Variants in CEP128 observed in about 807,000 individuals in gnomAD.
CEP128 encodes centrosomal protein 128kDa.
Under a neutral mutation model 156.7 loss-of-function variants are expected in CEP128, and 132 were observed. That is an observed-to-expected ratio of 0.84 (90% CI 0.73 to 0.97). CEP128 has a LOEUF of 0.97. Among genes scored for constraint, CEP128 ranks in the 50% least tolerant of loss-of-function variants. The pLI, the probability that CEP128 is intolerant of heterozygous loss-of-function variation, is 0.00. For synonymous variants in CEP128, 469 were observed against 448.9 expected (o/e 1.04, Z -0.57); for missense variants, 1,252 against 1,281.9 (o/e 0.98, Z 0.36).
intron 19 of CEP128, among the ~76,000 whole-genome samples, chr14:80,712,520 G>A (rs925772091): frequency 2.0e-4 from 30 of 152,212 alleles, no homozygotes; most frequent in African/African-American, 6.5e-4. Flanking sequence ...AAGGGCCACA[G>A]ATATTTCCTG....
At chr14:80,627,740 C>CTTTTTTTTTT (rs11287309) in intron 19 of CEP128, among the ~76,000 whole-genome samples, 1 of 129,562 alleles carries the variant, frequency 7.7e-6, no homozygotes, top group African/African-American at 2.8e-5. Flanking sequence ...TTATTATTTT[C>CTTTTTTTTTT]TTTTTTTTTT....
chr14:80,540,420 G>T (rs1223621607), intron 21 of CEP128, among the ~76,000 whole-genome samples: 1 of 152,172 alleles, frequency 6.6e-6, no homozygotes, highest in Non-Finnish European at 1.5e-5. Context: ...TAAACTCAGG[G>T]CCAAGGCCCT....
chr14:80,893,174 A>C (rs932027023), intron 8 of CEP128, among the ~76,000 whole-genome samples: 1 of 152,038 alleles, frequency 6.6e-6, no homozygotes, highest in Non-Finnish European at 1.5e-5. Flanking sequence ...TTCATTTACC[A>C]CAACATGGCT....
At chr14:80,560,738 T>G (rs1014368142) in intron 20 of CEP128, among the ~76,000 whole-genome samples, 1 of 152,136 alleles carries the variant, frequency 6.6e-6, no homozygotes, top group Non-Finnish European at 1.5e-5. Flanking sequence ...CCAGCCTACA[T>G]CTTTCTCCCG....
chr14:80,956,635 A>C (rs1386273354), intron 2 of CEP128, among the ~76,000 whole-genome samples: 1 of 152,202 alleles, frequency 6.6e-6, no homozygotes, highest in African/African-American at 2.4e-5. Flanking sequence ...AAGAGAACAG[A>C]AAGAAAGGAC....
At chr14:80,755,052 G>GA (rs1336394688) in intron 18 of CEP128, among the ~76,000 whole-genome samples, 6 of 152,252 alleles carry the variant, frequency 3.9e-5, no homozygotes, top group African/African-American at 7.2e-5. Flanking sequence ...AGTGGGCTGG[G>GA]AAAGGCAGAC....
chr14:80,907,850 CA>C (rs1011262338), intron 4 of CEP128, among the ~76,000 whole-genome samples: 2 of 151,940 alleles, frequency 1.3e-5, no homozygotes, highest in African/African-American at 2.4e-5. Flanking sequence ...TAAAACTAAA[CA>C]ATATTAAAGC....
At chr14:80,740,954 T>C (rs972218294) in intron 19 of CEP128, among the ~76,000 whole-genome samples, 2 of 151,840 alleles carry the variant, frequency 1.3e-5, no homozygotes, top group African/African-American at 4.8e-5. Context: ...TCCAGAAGAG[T>C]ATAGCACCTA....
chr14:80,488,525 C>T (rs974567249), downstream of CEP128, among the ~76,000 whole-genome samples: 4 of 151,590 alleles, frequency 2.6e-5, no homozygotes, highest in African/African-American at 9.7e-5. Context: ...AACACTTTTA[C>T]ACTGTTGGTG....
chr14:80,767,518 C>T (rs1354289283), intron 16 of CEP128, among the ~76,000 whole-genome samples: 10 of 152,006 alleles, frequency 6.6e-5, no homozygotes, highest in Admixed American at 6.5e-4. Context: ...TGGATTTACC[C>T]TACATATATC....
intron 2 of CEP128, chr14:80,955,807 G>T: frequency 3.1e-6 from 5 of 1,614,204 alleles, no homozygotes; most frequent in Non-Finnish European, 4.2e-6. Context: ...CACCTGCAAG[G>T]ATATTCAACG....
chr14:80,743,866 C>A (rs1428689672), intron 18 of CEP128, among the ~76,000 whole-genome samples: 3 of 150,188 alleles, frequency 2.0e-5, no homozygotes, highest in African/African-American at 7.3e-5. Context: ...CTTTCTCTCT[C>A]TCTCTCACTC....
At chr14:80,855,238 T>G (rs377500391) in intron 9 of CEP128, among the ~76,000 whole-genome samples, 1 of 152,100 alleles carries the variant, frequency 6.6e-6, no homozygotes, top group Admixed American at 6.6e-5. Context: ...TGTGTTACTC[T>G]CTGCTTACCG....
intron 18 of CEP128, among the ~76,000 whole-genome samples, chr14:80,755,911 C>T (rs1412910376): frequency 6.6e-6 from 1 of 152,070 alleles, no homozygotes; most frequent in Non-Finnish European, 1.5e-5. Flanking sequence ...AAGTTCAATC[C>T]CATTAAATGA....
At chr14:80,696,054 A>G (rs1314066485) in intron 19 of CEP128, among the ~76,000 whole-genome samples, 5 of 152,156 alleles carry the variant, frequency 3.3e-5, no homozygotes, top group African/African-American at 4.8e-5. Flanking sequence ...ACCTCCGTCC[A>G]GTAATAACTG....
rs556025329 is a variant in CEP128, at chr14:80,556,487, G to A, written c.2880+2792C>T. On this transcript the variant is annotated intron_variant, in intron 21 of 24. Coordinates refer to ENST00000555265, the MANE Select transcript of CEP128 (RefSeq NM_152446.5). ...AATAAAATGCAGTTTCTAATCCAAGGAGCTTACCTGCTATTAAAGAAAGAG... is the reference window on the plus strand; with the variant it reads ...AATAAAATGCAGTTTCTAATCCAAGAAGCTTACCTGCTATTAAAGAAAGAG... Among the ~76,000 whole-genome samples, 96 of 152,216 alleles carry A rather than the reference G, an allele frequency of 6.3e-4. 1 individual carries two copies. Among genetic ancestry groups the A allele is most frequent in the African/African-American group, 2.2e-3 (91 of 41,540 alleles).
At chr14:80,540,197 A>AACCCC (rs1889682431) in intron 21 of CEP128, among the ~76,000 whole-genome samples, 1 of 124,272 alleles carries the variant, frequency 8.0e-6, no homozygotes, top group Admixed American at 9.0e-5. Context: ...CTGTTCTTAC[A>AACCCC]CCCCCCCCCC....
intron 19 of CEP128, among the ~76,000 whole-genome samples, chr14:80,688,732 T>C (rs941117910): frequency 6.6e-6 from 1 of 152,212 alleles, no homozygotes; most frequent in Non-Finnish European, 1.5e-5. Context: ...TCTGTCTCTA[T>C]TTACAGAAAA....
At chr14:80,634,043 A>G (rs1640920709) in intron 19 of CEP128, among the ~76,000 whole-genome samples, 1 of 152,216 alleles carries the variant, frequency 6.6e-6, no homozygotes, top group South Asian at 2.1e-4. Flanking sequence ...CTGGAAAGCC[A>G]TATATGAAGG....
Sources: gnomAD v4.1 joint callset for allele counts (sites outside exome capture counted in the v4.1 genomes callset) on GRCh38, gnomAD v4.1.1 for gene constraint, MANE v1.5 for transcripts, NCBI Gene and HGNC (gene_info 2026-07-23, HGNC 2026-07-21) for gene names.